Variants in SYT16 observed in about 807,000 individuals in gnomAD.
The protein encoded by SYT16 is synaptotagmin-16.
A neutral mutation model predicts 61.4 loss-of-function variants in SYT16; 42 were observed. The ratio of observed to expected loss-of-function variants is 0.68; its 90% CI spans 0.53 to 0.89. The LOEUF is 0.89. SYT16 is among the 40% of genes least tolerant of loss of function. The pLI is 0.00. For synonymous variants in SYT16, 314 were observed against 302.3 expected (o/e 1.04, Z -0.40); for missense variants, 804 against 807.3 (o/e 1.00, Z 0.05).
chr14:61,982,528 C>A lies in SYT16; in HGVS notation c.-145+12217C>A, dbSNP rs140115340. ...CACAAGAACAGTATGGGGGAAACTG[C>A]CCCCAAGATTCAATTATCTCCCACC... On this transcript the variant is annotated intron_variant, in intron 2 of 7. Transcript: ENST00000683842. Among the ~76,000 whole-genome samples the A allele has an allele frequency of 7.2e-3, 1,095 of 152,164 alleles. 11 individuals are homozygous for A. The highest frequency in any genetic ancestry group is 0.025 in the African/African-American group (1,027 of 41,506).
chr14:62,000,886 G>A (rs547671644), intron 3 of SYT16, among the ~76,000 whole-genome samples: 9 of 152,060 alleles, frequency 5.9e-5, no homozygotes, highest in Non-Finnish European at 1.2e-4. Flanking sequence ...TGCAATAAAC[G>A]TATAATACGC....
intron 1 of SYT16, among the ~76,000 whole-genome samples, chr14:61,814,396 G>A (rs1422389904): frequency 6.6e-6 from 1 of 152,188 alleles, no homozygotes; most frequent in Non-Finnish European, 1.5e-5. Context: ...CAAAGGCAAA[G>A]GGGTTCAAAG....
chr14:61,968,663 T>A (rs1257788355), intron 1 of SYT16, among the ~76,000 whole-genome samples: 1 of 152,236 alleles, frequency 6.6e-6, no homozygotes, highest in Non-Finnish European at 1.5e-5. Flanking sequence ...CCTCTGTTAA[T>A]CTTTGATGTA....
intron 7 of SYT16, among the ~76,000 whole-genome samples, chr14:62,086,493 AC>A (rs2056890275): frequency 6.6e-6 from 1 of 151,896 alleles, no homozygotes; most frequent in Non-Finnish European, 1.5e-5. Flanking sequence ...AAAACAAACA[AC>A]AACAAACAAA....
chr14:62,104,154 T>C lies in SYT16; in HGVS notation c.*3447T>C, dbSNP rs535381861. The C allele has an allele frequency of 7.2e-5, 11 of 152,334 alleles. No homozygotes were observed. The East Asian group carries it at 1.7e-3, about 24-fold the overall frequency. 9.4% of individuals were successfully genotyped at this position (152,334 alleles called of 1,614,324 possible). A position where few individuals can be genotyped will look rare whatever the true frequency, so the allele number is the denominator to read the frequency against. On this transcript the variant is annotated 3_prime_UTR_variant, in exon 8 of 8. Coordinates refer to ENST00000683842, the MANE Select transcript of SYT16 (RefSeq NM_001367656.1). ...GCCACCAATTTGATTTAATTGATGA[T>C]TCGGTGTGGACACCACTGTGGGTTT...
intron 3 of SYT16, among the ~76,000 whole-genome samples, chr14:62,058,343 T>C (rs1430503655): frequency 7.4e-5 from 5 of 67,448 alleles, no homozygotes; most frequent in African/African-American, 2.8e-4. Flanking sequence ...TTAAATTCTT[T>C]TTTTTTTTTT....
chr14:61,843,769 G>A (rs1424831491), intron 1 of SYT16, among the ~76,000 whole-genome samples: 1 of 152,178 alleles, frequency 6.6e-6, no homozygotes, highest in Non-Finnish European at 1.5e-5. Flanking sequence ...GTATGCATCT[G>A]CTCTTATGCC....
At chr14:62,043,193 G>A (rs1245019396) in intron 3 of SYT16, among the ~76,000 whole-genome samples, 2 of 147,466 alleles carry the variant, frequency 1.4e-5, no homozygotes, top group African/African-American at 5.0e-5. Context: ...TCGTCCTATA[G>A]TAGTACTTCT....
intron 7 of SYT16, among the ~76,000 whole-genome samples, chr14:62,099,869 C>T (rs2057373330): frequency 7.9e-6 from 1 of 127,066 alleles, no homozygotes; most frequent in African/African-American, 3.0e-5. Context: ...CGGAGCAAGA[C>T]CTTGTGTGTC....
At position 62,101,579 on chromosome 14, in the gene SYT16, TA is replaced by T; in HGVS notation, c.*873del. On this transcript the variant is annotated 3_prime_UTR_variant, in exon 8 of 8. Transcript: ENST00000683842. ...TCCTTTTTCTATGTTCAATTATATA[TA>T]CTCATATATGAATATTTTGAATGTA... 6.6e-6 allele frequency: 1 copy of T among 152,324 alleles called. No homozygotes were observed. Among genetic ancestry groups the T allele is most frequent in the East Asian group, 1.9e-4 (1 of 5,190 alleles). 9.4% of individuals were successfully genotyped at this position (152,324 alleles called of 1,614,324 possible). A position where few individuals can be genotyped will look rare whatever the true frequency, so the allele number is the denominator to read the frequency against.
At chr14:62,090,085 A>G (rs146501448) in intron 7 of SYT16, among the ~76,000 whole-genome samples, 113 of 152,338 alleles carry the variant, frequency 7.4e-4, no homozygotes, top group African/African-American at 2.6e-3. Context: ...TGTTACAGAT[A>G]TACTGCTATG....
rs188847370 is a variant in SYT16, at chr14:62,062,571, A to G, written c.524-7032A>G. ...AAATCAAGACTGGGTAATTTATAAA[A>G]CTCTTTTCCTAACTTGTTTGAGTCC... is the stretch of plus-strand genomic sequence containing the variant. On this transcript the variant is annotated intron_variant, in intron 3 of 7. Transcript: ENST00000683842. Among the ~76,000 whole-genome samples the G allele has an allele frequency of 5.4e-3, 823 of 151,368 alleles. 4 individuals carry two copies. Among genetic ancestry groups the G allele is most frequent in the Non-Finnish European group, 8.5e-3 (579 of 67,800 alleles).
intron 3 of SYT16, among the ~76,000 whole-genome samples, chr14:62,004,041 G>C (rs1383450481): frequency 1.3e-5 from 2 of 152,128 alleles, no homozygotes; most frequent in Admixed American, 6.5e-5. Context: ...TTTGGTTTTT[G>C]TGTTAAGAAT....
At chr14:61,874,865 G>T (rs1055920042) in intron 1 of SYT16, among the ~76,000 whole-genome samples, 4 of 151,514 alleles carry the variant, frequency 2.6e-5, no homozygotes, top group Admixed American at 6.6e-5. Context: ...GTATTGCCAC[G>T]TTAGAGTCTG....
At chr14:62,042,151 A>G (rs1461109135) in intron 3 of SYT16, among the ~76,000 whole-genome samples, 2 of 151,950 alleles carry the variant, frequency 1.3e-5, no homozygotes, top group East Asian at 1.9e-4. Flanking sequence ...TCTTTTCTGC[A>G]TCCCTAAAAT....
intron 3 of SYT16, among the ~76,000 whole-genome samples, chr14:62,036,504 T>C (rs192862999): frequency 3.8e-4 from 58 of 152,224 alleles, no homozygotes; most frequent in Non-Finnish European, 7.4e-4. Flanking sequence ...ATGGACTCAG[T>C]GTGCTAGTCC....
chr14:61,971,966 A>G (rs2051580165), intron 2 of SYT16, among the ~76,000 whole-genome samples: 1 of 152,204 alleles, frequency 6.6e-6, no homozygotes, highest in African/African-American at 2.4e-5. Context: ...TGAAGGTAGG[A>G]TTCATCATGA....
intron 1 of SYT16, among the ~76,000 whole-genome samples, chr14:61,833,706 CTT>C (rs11357318): frequency 0.016 from 752 of 48,196 alleles, 8 homozygotes; most frequent in African/African-American, 0.058. Context: ...CCAGCAGTGG[CTT>C]TTTTTTTTTT....
chr14:61,941,525 A>G (rs2050209150), intron 1 of SYT16, among the ~76,000 whole-genome samples: 1 of 152,066 alleles, frequency 6.6e-6, no homozygotes, highest in Non-Finnish European at 1.5e-5. Flanking sequence ...CATTCTTGCT[A>G]CTTTTCCCTC....
Sources: gnomAD v4.1 joint callset for allele counts (sites outside exome capture counted in the v4.1 genomes callset) on GRCh38, gnomAD v4.1.1 for gene constraint, MANE v1.5 for transcripts, NCBI Gene and HGNC (gene_info 2026-07-23, HGNC 2026-07-21) for gene names.